Variants in EYS observed in about 807,000 individuals in gnomAD.
EYS encodes protein eyes shut homolog.
A neutral mutation model predicts 282.1 loss-of-function variants in EYS; 250 were observed. The ratio of observed to expected loss-of-function variants is 0.89; its 90% CI spans 0.80 to 0.98. The LOEUF is 0.98. Among genes scored for constraint, EYS ranks in the 50% least tolerant of loss-of-function variants. The probability of loss-of-function intolerance (pLI) is 0.00; values close to 1 mark genes in which losing one functional copy is unlikely to be tolerated. For synonymous variants in EYS, 1,355 were observed against 1,282.9 expected (o/e 1.06, Z -1.20); for missense variants, 4,016 against 3,709.0 (o/e 1.08, Z -2.15).
At chr6:64,583,157 G>T (rs1401514606) in intron 26 of EYS, among the ~76,000 whole-genome samples, 4 of 152,116 alleles carry the variant, frequency 2.6e-5, no homozygotes, top group Admixed American at 2.6e-4. Flanking sequence ...ATGGTTGGAA[G>T]TGTCTACATC....
chr6:65,681,063 C>T (rs539874427), intron 1 of EYS, among the ~76,000 whole-genome samples: 11 of 150,874 alleles, frequency 7.3e-5, no homozygotes, highest in Non-Finnish European at 7.4e-5. Context: ...AGCTGTCAGC[C>T]AACTTATTAG....
At chr6:64,730,158 A>G (rs1212186741) in intron 22 of EYS, among the ~76,000 whole-genome samples, 1 of 152,206 alleles carries the variant, frequency 6.6e-6, no homozygotes, top group Non-Finnish European at 1.5e-5. Context: ...AGAAATATCA[A>G]TGAAGCAAGA....
At chr6:65,420,028 T>A (rs1471044885) in intron 5 of EYS, among the ~76,000 whole-genome samples, 1 of 152,032 alleles carries the variant, frequency 6.6e-6, no homozygotes, top group Non-Finnish European at 1.5e-5. Flanking sequence ...AATCCTAATA[T>A]TTTTGCTGAT....
chr6:64,847,635 T>G (rs1045940981), intron 19 of EYS, among the ~76,000 whole-genome samples: 2 of 152,026 alleles, frequency 1.3e-5, no homozygotes, highest in Non-Finnish European at 2.9e-5. Flanking sequence ...CCCAACAGTG[T>G]TTTTAAAAGA....
At chr6:65,275,735 T>C (rs145007710) in intron 12 of EYS, among the ~76,000 whole-genome samples, 56 of 152,294 alleles carry the variant, frequency 3.7e-4, no homozygotes, top group Non-Finnish European at 7.2e-4. Flanking sequence ...AGTTTGTAGA[T>C]AGACCTGGCT....
chr6:64,837,375 A>G (rs1010649000), intron 19 of EYS, among the ~76,000 whole-genome samples: 1 of 151,430 alleles, frequency 6.6e-6, no homozygotes, highest in African/African-American at 2.4e-5. Context: ...CTAACAACAT[A>G]CGAAAGGGGG....
chr6:65,665,915 T>A (rs540236236), intron 1 of EYS, among the ~76,000 whole-genome samples: 74 of 152,182 alleles, frequency 4.9e-4, no homozygotes, highest in African/African-American at 1.6e-3. Flanking sequence ...CACTCCCAGT[T>A]ATTTGTGTCA....
At chr6:64,275,682 C>T (rs942544957) in intron 30 of EYS, among the ~76,000 whole-genome samples, 1 of 151,452 alleles carries the variant, frequency 6.6e-6, no homozygotes, top group East Asian at 2.0e-4. Flanking sequence ...CCTGGCCAGG[C>T]GCGGTGGCTC....
chr6:65,694,974 A>T (rs911721320), intron 1 of EYS, among the ~76,000 whole-genome samples: 2 of 152,072 alleles, frequency 1.3e-5, no homozygotes, highest in Non-Finnish European at 2.9e-5. Flanking sequence ...AGTCATAAAA[A>T]TTTTCAAAAT....
At chr6:64,101,620 T>C (rs1040838550) in intron 31 of EYS, among the ~76,000 whole-genome samples, 6 of 152,006 alleles carry the variant, frequency 3.9e-5, no homozygotes, top group Non-Finnish European at 8.8e-5. Flanking sequence ...ATGAAAAATG[T>C]AGAGTAATAG....
chr6:64,140,127 T>C (rs78381005), intron 31 of EYS, among the ~76,000 whole-genome samples: 1 of 151,806 alleles, frequency 6.6e-6, no homozygotes. Context: ...TGAAAAGGGG[T>C]GGTAATTAAT....
Position 64,802,023 on chromosome 6 carries a change from C to CTTTTTTTTTTTT in EYS, c.3443+11354_3443+11355insAAAAAAAAAAAA, listed in dbSNP as rs1199002175. Reference sequence around the variant, plus strand: ...AGAGAGTTATAACAAATTTCTTTTTCTTTTTTTTTCTTTTTTTTTTTTTTT... The same window carrying CTTTTTTTTTTTT: ...AGAGAGTTATAACAAATTTCTTTTTCTTTTTTTTTTTTTTTTTTTTTCTTTTTTTTTTTTTTT... On this transcript the variant is annotated intron_variant, in intron 22 of 42. Transcript: ENST00000503581. Among the ~76,000 whole-genome samples, 29 of 70,798 alleles carry CTTTTTTTTTTTT rather than the reference C, an allele frequency of 4.1e-4. 4 individuals carry two copies. Among genetic ancestry groups the CTTTTTTTTTTTT allele is most frequent in the African/African-American group, 6.4e-4 (13 of 20,306 alleles). The allele number at this position is 70,798 out of a possible 152,430, so 46.4% of individuals were successfully genotyped here.
At chr6:65,432,799 G>A (rs564151738) in intron 5 of EYS, among the ~76,000 whole-genome samples, 1 of 152,252 alleles carries the variant, frequency 6.6e-6, no homozygotes, top group African/African-American at 2.4e-5. Flanking sequence ...CACTGACATG[G>A]CAGCAATGAA....
intron 31 of EYS, among the ~76,000 whole-genome samples, chr6:64,096,932 T>A (rs1364382849): frequency 2.0e-5 from 3 of 152,216 alleles, no homozygotes; most frequent in Admixed American, 2.0e-4. Context: ...GGGGTTTTGG[T>A]GTGGATGTCC....
At chr6:63,975,459 A>G (rs1444469708) in intron 35 of EYS, among the ~76,000 whole-genome samples, 1 of 152,068 alleles carries the variant, frequency 6.6e-6, no homozygotes, top group Non-Finnish European at 1.5e-5. Context: ...AGAAAAACAG[A>G]AAACAATTAC....
At chr6:65,329,099 C>T (rs934106111) in intron 11 of EYS, among the ~76,000 whole-genome samples, 5 of 151,080 alleles carry the variant, frequency 3.3e-5, no homozygotes, top group African/African-American at 1.2e-4. Context: ...ATAACATGCA[C>T]AAGTCATTTT....
chr6:65,438,802 G>C (rs565352893), intron 5 of EYS, among the ~76,000 whole-genome samples: 1,848 of 151,998 alleles, frequency 0.012, 17 homozygotes, highest in Admixed American at 0.02. Context: ...CATTTTCTAG[G>C]TTGCCTGTTC....
chr6:63,872,549 G>T (rs1157519152), intron 35 of EYS, among the ~76,000 whole-genome samples: 1 of 143,124 alleles, frequency 7.0e-6, no homozygotes, highest in African/African-American at 2.7e-5. Flanking sequence ...TGTGAATTCG[G>T]TTCACTGCAG....
At chr6:65,210,351 C>T (rs1366406834) in intron 12 of EYS, among the ~76,000 whole-genome samples, 2 of 151,808 alleles carry the variant, frequency 1.3e-5, no homozygotes, top group African/African-American at 4.8e-5. Context: ...TCTCTTTTTC[C>T]TTAGGGGGTT....
Sources: allele counts gnomAD v4.1 joint callset (sites outside exome capture counted in the v4.1 genomes callset), GRCh38; gene constraint gnomAD v4.1.1; transcripts MANE v1.5; gene names NCBI Gene and HGNC (gene_info 2026-07-23, HGNC 2026-07-21).